Variants in MRTFB observed in about 807,000 individuals in gnomAD.
MRTFB encodes the protein myocardin-related transcription factor B.
MRTFB carries 29 observed loss-of-function variants against 104.2 expected under a neutral mutation model. That is an observed-to-expected ratio of 0.28 (90% CI 0.21 to 0.38). The LOEUF (loss-of-function observed/expected upper bound fraction) is 0.38, where lower values mean the gene tolerates loss of function less well. MRTFB is among the 10% of genes least tolerant of loss of function. The pLI is 1.00. For synonymous variants in MRTFB, 535 were observed against 519.5 expected (o/e 1.03, Z -0.41); for missense variants, 1,270 against 1,341.6 (o/e 0.95, Z 0.83).
intron 3 of MRTFB, among the ~76,000 whole-genome samples, chr16:14,163,380 A>G (rs1567403817): frequency 6.6e-6 from 1 of 152,160 alleles, no homozygotes; most frequent in African/African-American, 2.4e-5. Flanking sequence ...ACTGTTAACT[A>G]TCTTCAACAC....
chr16:14,129,447 G>A (rs992628817), intron 2 of MRTFB, among the ~76,000 whole-genome samples: 3 of 152,016 alleles, frequency 2.0e-5, no homozygotes, highest in Admixed American at 6.6e-5. Flanking sequence ...TTGTTTATCC[G>A]TTCACTAGTT....
the MRTFB span, among the ~76,000 whole-genome samples, chr16:14,025,734 A>C: frequency 6.6e-6 from 1 of 152,222 alleles, no homozygotes; most frequent in African/African-American, 2.4e-5. Context: ...GAATCTAAAA[A>C]AACAAAAACA....
At chr16:14,016,606 C>T in the MRTFB span, among the ~76,000 whole-genome samples, 3 of 151,916 alleles carry the variant, frequency 2.0e-5, no homozygotes, top group Non-Finnish European at 4.4e-5. Flanking sequence ...AACGCTGTCT[C>T]TACTAAAAAT....
chr16:13,996,305 G>A, the MRTFB span, among the ~76,000 whole-genome samples: 2 of 145,398 alleles, frequency 1.4e-5, no homozygotes, highest in East Asian at 3.9e-4. Context: ...AAAAAAAAAA[G>A]AAGGTAACCA....
the MRTFB span, among the ~76,000 whole-genome samples, chr16:14,065,222 T>C: frequency 1.3e-5 from 2 of 152,224 alleles, no homozygotes; most frequent in African/African-American, 4.8e-5. Context: ...GTGTGGCTAT[T>C]GCAAATGTGA....
intron 2 of MRTFB, among the ~76,000 whole-genome samples, chr16:14,081,127 AG>A (rs572889190): frequency 4.7e-4 from 72 of 152,246 alleles, no homozygotes; most frequent in African/African-American, 1.6e-3. Context: ...ATGGTGTTCA[AG>A]GGTTTCTTTG....
At chr16:14,110,624 C>T (rs2036221737) in intron 2 of MRTFB, among the ~76,000 whole-genome samples, 1 of 152,178 alleles carries the variant, frequency 6.6e-6, no homozygotes, top group South Asian at 2.1e-4. Flanking sequence ...AGCCACACCA[C>T]CCTCTCCTGG....
At chr16:14,061,075 G>A in the MRTFB span, among the ~76,000 whole-genome samples, 1 of 152,148 alleles carries the variant, frequency 6.6e-6, no homozygotes, top group African/African-American at 2.4e-5. Flanking sequence ...GAACCTGGGA[G>A]GCAGAGCTTG....
intron 2 of MRTFB, among the ~76,000 whole-genome samples, chr16:14,110,880 C>T (rs2036236282): frequency 1.3e-5 from 2 of 152,174 alleles, no homozygotes; most frequent in Non-Finnish European, 2.9e-5. Flanking sequence ...CCCGTCCCAT[C>T]TCATGCTCTG....
At chr16:14,248,857 C>T in intron 12 of MRTFB, 69 bp from the exon 13 acceptor site, 3 of 1,542,770 alleles carry the variant, frequency 1.9e-6, no homozygotes, top group Non-Finnish European at 2.6e-6. Context: ...AGTGATTCTA[C>T]ACCTAAGTTC....
intron 1 of MRTFB, 96 bp from the exon 2 acceptor site, chr16:14,079,194 A>G (rs1159131744): frequency 6.3e-6 from 2 of 318,036 alleles, no homozygotes; most frequent in Non-Finnish European, 1.2e-5. Flanking sequence ...TGTTATTTCC[A>G]GTTTATCTTA....
At chr16:14,087,459 ACT>A (rs1171468884) in intron 2 of MRTFB, among the ~76,000 whole-genome samples, 1 of 152,034 alleles carries the variant, frequency 6.6e-6, no homozygotes, top group African/African-American at 2.4e-5. Flanking sequence ...AGTCTAGGCT[ACT>A]CTCTTTAAAT....
intron 2 of MRTFB, among the ~76,000 whole-genome samples, chr16:14,094,628 T>C (rs1333711486): frequency 2.6e-5 from 4 of 152,226 alleles, no homozygotes; most frequent in African/African-American, 9.6e-5. Flanking sequence ...AGTTTCACCC[T>C]GCATCTCAAA....
intron 3 of MRTFB, among the ~76,000 whole-genome samples, chr16:14,206,803 C>A (rs1200796728): frequency 6.6e-6 from 1 of 152,036 alleles, no homozygotes; most frequent in Non-Finnish European, 1.5e-5. Context: ...GTCCCGGCCT[C>A]CCAAAGTATA....
At chr16:14,090,609 G>A (rs1328807558) in intron 2 of MRTFB, among the ~76,000 whole-genome samples, 1 of 152,118 alleles carries the variant, frequency 6.6e-6, no homozygotes, top group East Asian at 1.9e-4. Flanking sequence ...CCTCTTTCGG[G>A]TGAGAATACT....
At chr16:14,118,099 T>G (rs891928110) in intron 2 of MRTFB, among the ~76,000 whole-genome samples, 1 of 151,238 alleles carries the variant, frequency 6.6e-6, no homozygotes, top group Non-Finnish European at 1.5e-5. Flanking sequence ...TGTGTGCCTC[T>G]CCCAGATGCC....
chr16:14,042,367 G>T, the MRTFB span, among the ~76,000 whole-genome samples: 1 of 152,084 alleles, frequency 6.6e-6, no homozygotes, highest in African/African-American at 2.4e-5. Flanking sequence ...CTGGTGATCC[G>T]CCCACCTGGG....
upstream of MRTFB, among the ~76,000 whole-genome samples, chr16:14,066,569 G>A (rs145996581): frequency 4.2e-3 from 645 of 152,078 alleles, 5 homozygotes; most frequent in African/African-American, 0.014. Flanking sequence ...CACCGTGCCC[G>A]GCCTATTTTT....
chr16:14,252,587 G>A, intron 15 of MRTFB, 85 bp downstream of exon 15: 1 of 1,425,346 alleles, frequency 7.0e-7, no homozygotes. Context: ...AGAATCCCTT[G>A]TCTGAAACTG....
Sources: gnomAD v4.1 joint callset for allele counts (sites outside exome capture counted in the v4.1 genomes callset) on GRCh38, gnomAD v4.1.1 for gene constraint, MANE v1.5 for transcripts, NCBI Gene and HGNC (gene_info 2026-07-23, HGNC 2026-07-21) for gene names.